CACNA1C: variants seen among roughly 807,000 people sequenced by gnomAD.
The protein encoded by CACNA1C is calcium voltage-gated channel subunit alpha1 C.
A neutral mutation model predicts 229.0 loss-of-function variants in CACNA1C; 30 were observed. That is an observed-to-expected ratio of 0.13 (90% CI 0.10 to 0.18). The LOEUF is 0.18. Ranked by LOEUF, CACNA1C falls within the 10% of genes least tolerant of loss-of-function variation. CACNA1C has a pLI of 1.00. For missense variants in CACNA1C, 1,658 were observed against 2,845.0 expected (o/e 0.58, Z 9.49); for synonymous variants, 1,114 against 1,132.5 (o/e 0.98, Z 0.33).
At chr12:2,188,274 A>G (rs897657362) in intron 3 of CACNA1C, among the ~76,000 whole-genome samples, 1 of 152,212 alleles carries the variant, frequency 6.6e-6, no homozygotes. Context: ...ACAATTGGGA[A>G]GAATGGTTGT....
In CACNA1C at chr12:2,593,383, C is replaced by T; in HGVS notation, c.2663+38C>T. ...GGTGGGGAAGGTGGGGTCCTGCTCTCTCTAGTACCAGCCTGGCAGTTGCCT... is the reference window on the plus strand; with the variant it reads ...GGTGGGGAAGGTGGGGTCCTGCTCTTTCTAGTACCAGCCTGGCAGTTGCCT... On this transcript the variant is annotated intron_variant, in intron 19 of 46. Coordinates refer to ENST00000399655, the MANE Select transcript of CACNA1C (RefSeq NM_000719.7). 1.9e-6 allele frequency: 3 copies of T among 1,609,210 alleles called. 1 individual carries two copies. In the South Asian group the frequency reaches 3.3e-5, roughly 18 times the overall value.
chr12:2,107,422 G>A (rs1166120119), intron 1 of CACNA1C, among the ~76,000 whole-genome samples: 1 of 37,214 alleles, frequency 2.7e-5, no homozygotes, highest in African/African-American at 1.1e-4. Flanking sequence ...CCCTGGAGAG[G>A]GTTTCCACCT....
intron 6 of CACNA1C, among the ~76,000 whole-genome samples, chr12:2,491,184 A>G (rs897772174): frequency 1.3e-5 from 2 of 152,184 alleles, no homozygotes; most frequent in African/African-American, 4.8e-5. Context: ...AGGCAAAGCA[A>G]TGGAGACACA....
chr12:2,171,662 A>G (rs1374248726), intron 3 of CACNA1C, among the ~76,000 whole-genome samples: 3 of 152,216 alleles, frequency 2.0e-5, no homozygotes, highest in African/African-American at 7.2e-5. Flanking sequence ...CTGGAAATGC[A>G]GTGAAGAATA....
rs564465736 is a variant in CACNA1C at position 2,319,990 on chromosome 12, G to A, written c.478-128986G>A. On this transcript the variant is annotated intron_variant, in intron 3 of 46. Transcript: ENST00000399655. The surrounding 1 kb of genome is among the most constrained non-coding windows in gnomAD (Gnocchi z 4.0). ...ACCCTTTAAAGCTCCTGTCCCTGGG[G>A]GTTTTGCTGCAGGATGGTCTCTGAA... Among the ~76,000 whole-genome samples, 1 of 152,264 alleles carries A rather than the reference G, an allele frequency of 6.6e-6. No homozygotes were observed. Among genetic ancestry groups the A allele is most frequent in the South Asian group, 2.1e-4 (1 of 4,824 alleles).
At chr12:2,572,467 T>TCC (rs1555806848) in intron 13 of CACNA1C, among the ~76,000 whole-genome samples, 23 of 37,814 alleles carry the variant, frequency 6.1e-4, no homozygotes, top group African/African-American at 5.9e-4. Context: ...CCTCCTCCTC[T>TCC]TCCTCCTTCT....
chr12:2,164,735 G>A (rs2096118922), intron 3 of CACNA1C, among the ~76,000 whole-genome samples: 2 of 152,240 alleles, frequency 1.3e-5, no homozygotes, highest in African/African-American at 4.8e-5. Flanking sequence ...CCACTTAATA[G>A]TTGTGTGGCC....
chr12:2,490,375 G>A (rs2099716634), intron 6 of CACNA1C, among the ~76,000 whole-genome samples: 1 of 152,212 alleles, frequency 6.6e-6, no homozygotes. Flanking sequence ...CAGATGAGTG[G>A]TCCCAATGTA....
At chr12:2,290,106 G>T (rs2093311942) in intron 3 of CACNA1C, among the ~76,000 whole-genome samples, 1 of 152,180 alleles carries the variant, frequency 6.6e-6, no homozygotes, top group Non-Finnish European at 1.5e-5. Flanking sequence ...AAGTTCCTGG[G>T]CATTTATGGC....
At chr12:2,059,380 T>C (rs570661757) in intron 1 of CACNA1C, among the ~76,000 whole-genome samples, 63 of 151,846 alleles carry the variant, frequency 4.1e-4, no homozygotes, top group Admixed American at 7.9e-4. Context: ...AGTTTGGGCC[T>C]GGAGCTCAGG....
In CACNA1C at chr12:2,127,250, G is replaced by A. The variant is rs184905846; in HGVS notation, c.477+6820G>A. On this transcript the variant is annotated intron_variant, in intron 3 of 46. Coordinates refer to ENST00000399655, the MANE Select transcript of CACNA1C (RefSeq NM_000719.7). ...GGGGCCCTGCACTTGGACCACCACC[G>A]CAAGTTCTGAGATGCGTCTGAGCCC... Among the ~76,000 whole-genome samples the A allele has an allele frequency of 9.9e-5, 15 of 152,234 alleles. No homozygotes were observed. In the East Asian group the frequency reaches 1.2e-3, roughly 12 times the overall value.
chr12:2,682,894 GACAC>G (rs1173020760), intron 43 of CACNA1C, among the ~76,000 whole-genome samples: 4 of 432 alleles, frequency 9.3e-3, no homozygotes, highest in East Asian at 0.071. Context: ...CACACACACA[GACAC>G]ACACAACACA....
intron 3 of CACNA1C, among the ~76,000 whole-genome samples, chr12:2,122,991 T>C (rs2247833): frequency 0.71 from 108,161 of 152,160 alleles, 38,836 homozygotes; most frequent in African/African-American, 0.82. Flanking sequence ...GGGATGCCGA[T>C]GATTAGTCAG....
At chr12:2,258,196 A>G (rs1246805010) in intron 3 of CACNA1C, among the ~76,000 whole-genome samples, 3 of 152,240 alleles carry the variant, frequency 2.0e-5, no homozygotes, top group East Asian at 3.8e-4. Flanking sequence ...AAGCTTTCAC[A>G]CACATGATCT....
At chr12:2,309,516 G>A (rs570553568) in intron 3 of CACNA1C, among the ~76,000 whole-genome samples, 1 of 151,326 alleles carries the variant, frequency 6.6e-6, no homozygotes, top group Non-Finnish European at 1.5e-5. Context: ...CACACACACA[G>A]AGGGAACTGT....
chr12:2,400,916 C>T (rs1328274793), intron 3 of CACNA1C, among the ~76,000 whole-genome samples: 2 of 152,194 alleles, frequency 1.3e-5, no homozygotes, highest in African/African-American at 4.8e-5. Flanking sequence ...TGGCATCTCC[C>T]TCCTGCCCTC....
intron 1 of CACNA1C, among the ~76,000 whole-genome samples, chr12:2,112,435 G>A (rs1444989131): frequency 5.2e-5 from 4 of 77,536 alleles, no homozygotes; most frequent in Non-Finnish European, 1.2e-4. Context: ...CACGTCCTCC[G>A]TGAGCCTGAT....
At chr12:2,047,902 CA>C (rs1464393848) in intron 1 of CACNA1C, among the ~76,000 whole-genome samples, 1 of 152,166 alleles carries the variant, frequency 6.6e-6, no homozygotes, top group African/African-American at 2.4e-5. Context: ...AGAGTGAGGC[CA>C]AAGTGGAGCC....
At chr12:2,322,064 C>A (rs2096026710) in intron 3 of CACNA1C, among the ~76,000 whole-genome samples, 1 of 152,158 alleles carries the variant, frequency 6.6e-6, no homozygotes, top group Admixed American at 6.5e-5. Flanking sequence ...ATTTATAGGG[C>A]ATTATTAAGA....
Sources: gnomAD v4.1 joint callset for allele counts (sites outside exome capture counted in the v4.1 genomes callset) on GRCh38, gnomAD v4.1.1 for gene constraint, Gnocchi (gnomAD v3.1) non-coding constraint, MANE v1.5 for transcripts, NCBI Gene and HGNC (gene_info 2026-07-23, HGNC 2026-07-21) for gene names.